KIF16B: variants seen among roughly 807,000 people sequenced by gnomAD.
The protein encoded by KIF16B is kinesin-like protein KIF16B.
KIF16B carries 98 observed loss-of-function variants against 156.3 expected under a neutral mutation model. That is an observed-to-expected ratio of 0.63 (90% CI 0.53 to 0.74). KIF16B has a LOEUF of 0.74. Ranked by LOEUF, KIF16B falls within the 30% of genes least tolerant of loss-of-function variation. The probability of loss-of-function intolerance (pLI) is 0.00; values close to 1 mark genes in which losing one functional copy is unlikely to be tolerated. For missense variants in KIF16B, 1,421 were observed against 1,606.5 expected, an observed-to-expected ratio of 0.88 and a Z score of 1.97; for synonymous variants, 564 against 583.7, an observed-to-expected ratio of 0.97 and a Z score of 0.49.
chr20:16,531,866 G>A (rs116876621), intron 1 of KIF16B, among the ~76,000 whole-genome samples: 7,335 of 152,070 alleles, frequency 0.048, 229 homozygotes, highest in South Asian at 0.11. Flanking sequence ...GTCAGGGTTC[G>A]AGACCAGCCT....
chr20:16,462,798 A>G (rs1017904551), intron 12 of KIF16B, among the ~76,000 whole-genome samples: 1 of 152,186 alleles, frequency 6.6e-6, no homozygotes, highest in African/African-American at 2.4e-5. Flanking sequence ...GGAAGCTTGC[A>G]TGGGCAAATG....
At chr20:16,320,196 C>T (rs2063753871) in intron 24 of KIF16B, among the ~76,000 whole-genome samples, 1 of 152,150 alleles carries the variant, frequency 6.6e-6, no homozygotes, top group Admixed American at 6.5e-5. Context: ...GACACCACAT[C>T]GACATCAACC....
intron 23 of KIF16B, among the ~76,000 whole-genome samples, chr20:16,344,467 G>C (rs956375442): frequency 6.6e-6 from 1 of 152,110 alleles, no homozygotes; most frequent in African/African-American, 2.4e-5. Context: ...TGACCTCTTC[G>C]TGGTCTCCTA....
chr20:16,491,630 T>C (rs867555383), intron 12 of KIF16B, among the ~76,000 whole-genome samples: 2 of 152,178 alleles, frequency 1.3e-5, no homozygotes, highest in African/African-American at 4.8e-5. Flanking sequence ...GTGGCAGTTA[T>C]GGATGAGTGC....
At chr20:16,418,085 T>C (rs914667055) in intron 15 of KIF16B, among the ~76,000 whole-genome samples, 1 of 151,862 alleles carries the variant, frequency 6.6e-6, no homozygotes, top group Non-Finnish European at 1.5e-5. Context: ...TGCCAAGGCA[T>C]ATTGTAAAGC....
rs558108903 is a variant in KIF16B at position 16,337,092 on chromosome 20, C to T, written c.3622-1077G>A. On this transcript the variant is annotated intron_variant, in intron 23 of 25. Transcript: ENST00000354981. ...AAAAAGACCTACATTTTTAACCTGC[C>T]CACAGCAGCCTGTCTGCAGGCCTCT... Among the ~76,000 whole-genome samples, 4 of 152,310 alleles carry T rather than the reference C, an allele frequency of 2.6e-5. No homozygotes were observed. The South Asian group carries it at 8.3e-4, about 32-fold the overall frequency.
intron 25 of KIF16B, among the ~76,000 whole-genome samples, chr20:16,281,831 G>C (rs561546884): frequency 2.2e-4 from 33 of 152,160 alleles, no homozygotes; most frequent in African/African-American, 7.5e-4. Context: ...CCACTGCTCA[G>C]AGTCTCTCCT....
chr20:16,405,934 A>G (rs1182463241), intron 16 of KIF16B, among the ~76,000 whole-genome samples: 1 of 151,988 alleles, frequency 6.6e-6, no homozygotes, highest in African/African-American at 2.4e-5. Flanking sequence ...CAACCAAACC[A>G]AAGTCTTTCC....
chr20:16,466,014 A>C (rs2067480709), intron 12 of KIF16B, among the ~76,000 whole-genome samples: 1 of 152,240 alleles, frequency 6.6e-6, no homozygotes, highest in Non-Finnish European at 1.5e-5. Context: ...TCTAACCACC[A>C]CAGATTTTAG....
chr20:16,376,534 T>C (rs1222768982), intron 19 of KIF16B, among the ~76,000 whole-genome samples: 1 of 152,154 alleles, frequency 6.6e-6, no homozygotes, highest in South Asian at 2.1e-4. Context: ...GAAATTCCCA[T>C]AGAAAGCTGC....
intron 8 of KIF16B, 39 bp from the exon 9 acceptor site, chr20:16,505,892 A>G: frequency 6.2e-7 from 1 of 1,608,338 alleles, no homozygotes; most frequent in Non-Finnish European, 8.5e-7. Flanking sequence ...AAGGACAATT[A>G]GTAAAATTTT....
intron 20 of KIF16B, among the ~76,000 whole-genome samples, chr20:16,372,479 T>C (rs2064845405): frequency 6.6e-6 from 1 of 152,176 alleles, no homozygotes; most frequent in Non-Finnish European, 1.5e-5. Flanking sequence ...GTAGGTGAAG[T>C]TGTATGAAGC....
At chr20:16,446,262 C>T (rs1384842511) in intron 12 of KIF16B, among the ~76,000 whole-genome samples, 2 of 152,162 alleles carry the variant, frequency 1.3e-5, no homozygotes, top group East Asian at 1.9e-4. Flanking sequence ...AAGGCAGTTC[C>T]ACTGTGGTCT....
chr20:16,438,271 G>A (rs2066701912), intron 12 of KIF16B, among the ~76,000 whole-genome samples: 1 of 152,180 alleles, frequency 6.6e-6, no homozygotes, highest in South Asian at 2.1e-4. Context: ...TGTATCTGAA[G>A]TTTTGCTTTC....
chr20:16,518,187 G>A (rs981214899), intron 3 of KIF16B, among the ~76,000 whole-genome samples: 1 of 152,102 alleles, frequency 6.6e-6, no homozygotes, highest in African/African-American at 2.4e-5. Flanking sequence ...CAAACTTGGC[G>A]CTATGACCTG....
rs4814466 is a variant in KIF16B, at chr20:16,273,174, G to T, written c.*79C>A. On this transcript the variant is annotated 3_prime_UTR_variant, in exon 26 of 26. Coordinates refer to ENST00000354981, the MANE Select transcript of KIF16B (RefSeq NM_024704.5). ...CAGGAGGAGGCAGACCCGGATCCTC[G>T]CATGGGGGAGCTGCCCTGCATCGGA... is the stretch of plus-strand genomic sequence containing the variant. 1 of 1,268,256 alleles carries T rather than the reference G, an allele frequency of 7.9e-7. No individual in the cohort carries two copies. The highest frequency in any genetic ancestry group is 1.3e-5 in the South Asian group (1 of 78,414). 78.6% of individuals were successfully genotyped at this position (1,268,256 alleles called of 1,614,324 possible). A position where few individuals can be genotyped will look rare whatever the true frequency, so the allele number is the denominator to read the frequency against.
chr20:16,416,621 G>T (rs547097047), intron 15 of KIF16B, among the ~76,000 whole-genome samples: 1 of 151,946 alleles, frequency 6.6e-6, no homozygotes, highest in African/African-American at 2.4e-5. Context: ...GCTAATGCAT[G>T]CCATTAATAC....
intron 17 of KIF16B, among the ~76,000 whole-genome samples, chr20:16,399,122 G>T (rs2065586358): frequency 6.6e-6 from 1 of 152,140 alleles, no homozygotes; most frequent in African/African-American, 2.4e-5. Flanking sequence ...CTGGAGAGGT[G>T]ATGAGGCAAA....
intron 4 of KIF16B, among the ~76,000 whole-genome samples, chr20:16,513,784 G>A (rs911082689): frequency 7.3e-5 from 11 of 151,174 alleles, no homozygotes; most frequent in African/African-American, 1.2e-4. Flanking sequence ...TGGGTATAAC[G>A]TTCAATAATG....
Sources: allele counts gnomAD v4.1 joint callset (sites outside exome capture counted in the v4.1 genomes callset), GRCh38; gene constraint gnomAD v4.1.1; transcripts MANE v1.5; gene names NCBI Gene and HGNC (gene_info 2026-07-23, HGNC 2026-07-21).